HDAC9: variants seen among roughly 807,000 people sequenced by gnomAD.
HDAC9 encodes histone deacetylase 9.
A neutral mutation model predicts 139.4 loss-of-function variants in HDAC9; 41 were observed. The observed-to-expected ratio is 0.29, with a 90% CI of 0.23 to 0.38. The LOEUF (loss-of-function observed/expected upper bound fraction) is 0.38, where lower values mean the gene tolerates loss of function less well. HDAC9 is among the 10% of genes least tolerant of loss of function. The pLI, the probability that HDAC9 is intolerant of heterozygous loss-of-function variation, is 1.00. For missense variants in HDAC9, 1,147 were observed against 1,297.0 expected, an observed-to-expected ratio of 0.88 and a Z score of 1.78; for synonymous variants, 517 against 476.2, an observed-to-expected ratio of 1.09 and a Z score of -1.12.
intron 12 of HDAC9, among the ~76,000 whole-genome samples, chr7:18,678,488 C>T (rs1220259262): frequency 4.0e-5 from 6 of 151,780 alleles, no homozygotes; most frequent in Admixed American, 6.6e-5. Flanking sequence ...TACTGTCTCA[C>T]GTATCAAGTT....
At chr7:18,463,049 C>G (rs1282955561) in intron 1 of HDAC9, among the ~76,000 whole-genome samples, 1 of 151,868 alleles carries the variant, frequency 6.6e-6, no homozygotes, top group Non-Finnish European at 1.5e-5. Flanking sequence ...GTAATTTTAG[C>G]TATGCCACTG....
intron 22 of HDAC9, among the ~76,000 whole-genome samples, chr7:18,894,602 A>G (rs1801003452): frequency 6.6e-6 from 1 of 152,126 alleles, no homozygotes; most frequent in Non-Finnish European, 1.5e-5. Flanking sequence ...GACTGCACAT[A>G]TAGACTGCTG....
chr7:18,122,573 C>T (rs1784422060), intron 1 of HDAC9, among the ~76,000 whole-genome samples: 1 of 152,134 alleles, frequency 6.6e-6, no homozygotes, highest in Admixed American at 6.5e-5. Flanking sequence ...TGTTGGTTGA[C>T]TCGAACACAG....
rs540551161 is a variant in HDAC9 at position 18,352,354 on chromosome 7, G to A, written c.-42+61839G>A. Among the ~76,000 whole-genome samples, 3 of 152,220 alleles carry A rather than the reference G, an allele frequency of 2.0e-5. No individual in the cohort carries two copies. In the South Asian group the frequency reaches 6.2e-4, roughly 32 times the overall value. ...AGACAATATAATATTCTGCTTAGAG[G>A]GAAACAGTAGGTTGCCACTGATTTT... On this transcript the variant is annotated intron_variant, in intron 1 of 3. Coordinates refer to the HDAC9 transcript ENST00000413509.
At position 18,115,948 on chromosome 7, in the gene HDAC9, C is replaced by T. The variant is rs184203827; in HGVS notation, c.-97+28735C>T. Among the ~76,000 whole-genome samples, 30 of 152,298 alleles carry T rather than the reference C, an allele frequency of 2.0e-4. 1 individual carries two copies. The East Asian group carries it at 2.5e-3, about 13-fold the overall frequency. On this transcript the variant is annotated intron_variant, in intron 1 of 12. Coordinates refer to the HDAC9 transcript ENST00000417496. The stretch of plus-strand genomic sequence containing the variant: ...CACCATGTGGACCCTAACCACTTCA[C>T]TACATTGATACTTAGTTACACGTTG...
intron 17 of HDAC9, among the ~76,000 whole-genome samples, chr7:18,808,848 C>T (rs536884743): frequency 1.8e-4 from 28 of 151,632 alleles, no homozygotes; most frequent in African/African-American, 4.6e-4. Flanking sequence ...TAAACAAAAA[C>T]GAAACACAAC....
At chr7:18,685,509 C>T (rs560580378) in intron 12 of HDAC9, among the ~76,000 whole-genome samples, 1 of 152,100 alleles carries the variant, frequency 6.6e-6, no homozygotes, top group East Asian at 1.9e-4. Flanking sequence ...GACATATAGC[C>T]ACAGCTTTCT....
At chr7:18,923,696 A>C (rs1359158223) in intron 22 of HDAC9, among the ~76,000 whole-genome samples, 1 of 152,054 alleles carries the variant, frequency 6.6e-6, no homozygotes, top group Non-Finnish European at 1.5e-5. Context: ...ATTTTATATA[A>C]GTTGGATATT....
At chr7:18,604,233 A>C (rs186047136) in intron 6 of HDAC9, among the ~76,000 whole-genome samples, 2 of 152,170 alleles carry the variant, frequency 1.3e-5, no homozygotes, top group East Asian at 3.9e-4. Flanking sequence ...TTATTTTGCT[A>C]TTCCCATTAG....
At chr7:18,862,231 C>A (rs1325127034) in intron 21 of HDAC9, among the ~76,000 whole-genome samples, 1 of 152,114 alleles carries the variant, frequency 6.6e-6, no homozygotes, top group Non-Finnish European at 1.5e-5. Context: ...GGATGCTGAG[C>A]TTCAGGCAAC....
chr7:18,101,095 C>T (rs1439383443), intron 1 of HDAC9, among the ~76,000 whole-genome samples: 1 of 152,188 alleles, frequency 6.6e-6, no homozygotes, highest in Non-Finnish European at 1.5e-5. Flanking sequence ...TTTCTCACAT[C>T]TGTGTCCTGA....
intron 1 of HDAC9, among the ~76,000 whole-genome samples, chr7:18,154,201 T>G (rs927958568): frequency 2.6e-5 from 4 of 152,234 alleles, no homozygotes; most frequent in African/African-American, 9.6e-5. Context: ...TCCAAGTGAT[T>G]TTTTTATATA....
At chr7:18,285,121 G>T (rs925197926) in intron 2 of HDAC9, among the ~76,000 whole-genome samples, 1 of 152,076 alleles carries the variant, frequency 6.6e-6, no homozygotes, top group South Asian at 2.1e-4. Flanking sequence ...TTTTCTTTTG[G>T]TGTTCTTTCC....
chr7:18,383,929 C>G (rs1369086811), intron 1 of HDAC9, among the ~76,000 whole-genome samples: 3 of 151,264 alleles, frequency 2.0e-5, no homozygotes, highest in African/African-American at 7.3e-5. Context: ...GATGAAATTA[C>G]TACAACATTT....
chr7:18,554,029 C>T (rs1817956296), intron 2 of HDAC9, among the ~76,000 whole-genome samples: 1 of 152,160 alleles, frequency 6.6e-6, no homozygotes, highest in Non-Finnish European at 1.5e-5. Flanking sequence ...AGTTAAGTTT[C>T]TCTGGCTCCT....
At chr7:18,560,901 T>G (rs546915110) in intron 2 of HDAC9, among the ~76,000 whole-genome samples, 20 of 152,244 alleles carry the variant, frequency 1.3e-4, no homozygotes, top group Middle Eastern at 3.4e-3. Flanking sequence ...ATAACACATC[T>G]GGAAGTTTGC....
At chr7:18,745,293 A>C (rs984120522) in intron 13 of HDAC9, among the ~76,000 whole-genome samples, 40 of 152,182 alleles carry the variant, frequency 2.6e-4, no homozygotes, top group African/African-American at 8.2e-4. Flanking sequence ...CAGATTGTAT[A>C]TATTTCCCTT....
intron 13 of HDAC9, among the ~76,000 whole-genome samples, chr7:18,744,271 C>T (rs570857626): frequency 6.6e-6 from 1 of 152,134 alleles, no homozygotes; most frequent in South Asian, 2.1e-4. Flanking sequence ...GGATTAGAGG[C>T]GTGAGCCACC....
chr7:18,935,527 C>T (rs1249927769), intron 22 of HDAC9, among the ~76,000 whole-genome samples: 1 of 152,154 alleles, frequency 6.6e-6, no homozygotes, highest in Non-Finnish European at 1.5e-5. Context: ...TACATACAGA[C>T]CATGTTATGA....
Sources: allele counts gnomAD v4.1 joint callset (sites outside exome capture counted in the v4.1 genomes callset), GRCh38; gene constraint gnomAD v4.1.1; transcripts MANE v1.5; gene names NCBI Gene and HGNC (gene_info 2026-07-23, HGNC 2026-07-21).